The following BMAL1 variants were observed in gnomAD, a reference collection of about 807,000 sequenced individuals.
BMAL1 encodes the protein basic helix-loop-helix ARNT like 1.
At chr11:13,341,426 G>T in the BMAL1 span, among the ~76,000 whole-genome samples, 7 of 152,094 alleles carry the variant, frequency 4.6e-5, no homozygotes, top group Non-Finnish European at 1.0e-4. Flanking sequence ...CATTCTCAAA[G>T]AAGGCATGTG....
chr11:13,341,416 C>A, the BMAL1 span, among the ~76,000 whole-genome samples: 1 of 152,226 alleles, frequency 6.6e-6, no homozygotes, highest in Non-Finnish European at 1.5e-5. Context: ...ATTCCCCCCA[C>A]ATTCTCAAAG....
At chr11:13,277,092 T>G in the BMAL1 span, 2 of 152,294 alleles carry the variant, frequency 1.3e-5, no homozygotes, top group African/African-American at 4.8e-5. Context: ...CTTGCAGTCC[T>G]CGGGGTGGAA....
chr11:13,320,386 AGCTTCATCAGACCCAT>A, the BMAL1 span, among the ~76,000 whole-genome samples: 1 of 152,200 alleles, frequency 6.6e-6, no homozygotes, highest in African/African-American at 2.4e-5. Flanking sequence ...GGGTGCCCTC[AGCTTCATCAGACCCAT>A]GCTGGGCAGT....
At chr11:13,379,657 A>C in the BMAL1 span, 1 of 152,378 alleles carries the variant, frequency 6.6e-6, no homozygotes, top group East Asian at 1.9e-4. Flanking sequence ...TGCATGGGCC[A>C]AAGCAAGCAA....
the BMAL1 span, among the ~76,000 whole-genome samples, chr11:13,312,431 G>A: frequency 6.6e-6 from 1 of 152,144 alleles, no homozygotes; most frequent in Non-Finnish European, 1.5e-5. Flanking sequence ...GCTGTAGTGG[G>A]TGTTTCCACT....
the BMAL1 span, chr11:13,365,326 T>G: frequency 5.3e-6 from 2 of 377,962 alleles, no homozygotes; most frequent in Non-Finnish European, 4.9e-6. Flanking sequence ...CACACAATCT[T>G]ACAGTTCTTC....
At chr11:13,282,714 C>G in the BMAL1 span, among the ~76,000 whole-genome samples, 3 of 152,378 alleles carry the variant, frequency 2.0e-5, no homozygotes, top group South Asian at 6.2e-4. Context: ...CTCTTAGGTT[C>G]TGCTGCATTC....
At chr11:13,299,460 A>G in the BMAL1 span, among the ~76,000 whole-genome samples, 1 of 151,990 alleles carries the variant, frequency 6.6e-6, no homozygotes, top group Non-Finnish European at 1.5e-5. Flanking sequence ...CCCCTGCCAT[A>G]CCTGGGGAGG....
the BMAL1 span, among the ~76,000 whole-genome samples, chr11:13,338,633 T>G: frequency 6.6e-6 from 1 of 152,178 alleles, no homozygotes; most frequent in Admixed American, 6.5e-5. Flanking sequence ...ATTTGCTGAG[T>G]CACTGAAGCA....
At chr11:13,293,115 G>A in the BMAL1 span, among the ~76,000 whole-genome samples, 1 of 152,182 alleles carries the variant, frequency 6.6e-6, no homozygotes. Flanking sequence ...AGTCAAGGGT[G>A]AGAATCTAAG....
the BMAL1 span, among the ~76,000 whole-genome samples, chr11:13,368,563 T>A: frequency 6.6e-6 from 1 of 152,054 alleles, no homozygotes; most frequent in Admixed American, 6.5e-5. Context: ...GGGAGGTAGA[T>A]GGGATGGGAG....
At chr11:13,321,933 C>T in the BMAL1 span, among the ~76,000 whole-genome samples, 8 of 152,084 alleles carry the variant, frequency 5.3e-5, no homozygotes, top group African/African-American at 1.7e-4. Flanking sequence ...AATAATATTC[C>T]CTCTCCAGAA....
chr11:13,333,966 A>T, the BMAL1 span, among the ~76,000 whole-genome samples: 2 of 152,116 alleles, frequency 1.3e-5, no homozygotes, highest in Non-Finnish European at 1.5e-5. Flanking sequence ...CATTCTTTCT[A>T]TGGCATGGCA....
the BMAL1 span, among the ~76,000 whole-genome samples, chr11:13,349,241 A>G: frequency 6.3e-3 from 956 of 152,368 alleles, 9 homozygotes; most frequent in Non-Finnish European, 0.01. Context: ...TCGCTTCAGC[A>G]GTTAGTTTCA....
chr11:13,337,122 T>G, the BMAL1 span, among the ~76,000 whole-genome samples: 2 of 152,256 alleles, frequency 1.3e-5, no homozygotes, highest in Non-Finnish European at 2.9e-5. Context: ...CATTTTGGTT[T>G]GTTTCCTTTC....
chr11:13,356,409 C>T, the BMAL1 span: 1 of 544,842 alleles, frequency 1.8e-6, no homozygotes, highest in Non-Finnish European at 3.5e-6. Context: ...ATAGATATTT[C>T]AATCCTATGG....
chr11:13,351,135 G>A, the BMAL1 span, among the ~76,000 whole-genome samples: 9 of 152,314 alleles, frequency 5.9e-5, no homozygotes, highest in Middle Eastern at 3.4e-3. Context: ...GGGCTAGGGA[G>A]GCTTGGCAGG....
chr11:13,381,315 G>C, the BMAL1 span: 70 of 1,547,172 alleles, frequency 4.5e-5, no homozygotes, highest in Non-Finnish European at 5.7e-5. Flanking sequence ...TGAAATGTTG[G>C]GGGTGGGAGT....
chr11:13,314,123 T>C, the BMAL1 span, among the ~76,000 whole-genome samples: 29 of 152,086 alleles, frequency 1.9e-4, no homozygotes, highest in African/African-American at 7.0e-4. Context: ...ACCTTCCTCC[T>C]GGCTCCCAGA....
Sources: allele counts gnomAD v4.1 joint callset (sites outside exome capture counted in the v4.1 genomes callset), GRCh38; gene constraint gnomAD v4.1.1; transcripts MANE v1.5; gene names NCBI Gene and HGNC (gene_info 2026-07-23, HGNC 2026-07-21).